Variants in CDH4 observed in about 807,000 individuals in gnomAD.
CDH4 encodes cadherin 4.
Under a neutral mutation model 86.0 loss-of-function variants are expected in CDH4, and 33 were observed. That is an observed-to-expected ratio of 0.38 (90% CI 0.29 to 0.51). The LOEUF (loss-of-function observed/expected upper bound fraction) is 0.51. Among genes scored for constraint, CDH4 ranks in the 20% least tolerant of loss-of-function variants. CDH4 has a pLI of 0.86. For missense variants in CDH4, 1,114 were observed against 1,307.4 expected (o/e 0.85, Z 2.28); for synonymous variants, 555 against 549.4 (o/e 1.01, Z -0.14).
At chr20:61,788,607 T>A (rs976865786) in intron 4 of CDH4, among the ~76,000 whole-genome samples, 2 of 152,182 alleles carry the variant, frequency 1.3e-5, no homozygotes, top group Admixed American at 6.5e-5. Context: ...CCCGGCAGTG[T>A]TTTCCTGCTG....
At chr20:61,420,322 G>C (rs771773604) in intron 2 of CDH4, among the ~76,000 whole-genome samples, 16 of 152,222 alleles carry the variant, frequency 1.1e-4, no homozygotes, top group Non-Finnish European at 1.8e-4. Context: ...CCACTCAGGG[G>C]TGCTCCTTGC....
intron 2 of CDH4, among the ~76,000 whole-genome samples, chr20:61,332,715 G>A (rs2084589618): frequency 6.6e-6 from 1 of 152,336 alleles, no homozygotes; most frequent in Non-Finnish European, 1.5e-5. Flanking sequence ...GAGCATTTTT[G>A]TTTCTTCTCT....
intron 2 of CDH4, among the ~76,000 whole-genome samples, chr20:61,381,103 G>C (rs367631782): frequency 7.9e-5 from 12 of 152,302 alleles, no homozygotes; most frequent in African/African-American, 2.9e-4. Context: ...AAATTTGGGA[G>C]AAGGAAGAGA....
chr20:61,760,226 G>T (rs1373399771), intron 3 of CDH4, among the ~76,000 whole-genome samples: 1 of 152,218 alleles, frequency 6.6e-6, no homozygotes, highest in African/African-American at 2.4e-5. Context: ...TGGTTACGTG[G>T]TTTGTGAGGC....
At chr20:61,428,799 G>A (rs928881005) in intron 2 of CDH4, among the ~76,000 whole-genome samples, 1 of 152,138 alleles carries the variant, frequency 6.6e-6, no homozygotes, top group Non-Finnish European at 1.5e-5. Context: ...CTTTAATATA[G>A]ATTTTAACTA....
intron 4 of CDH4, among the ~76,000 whole-genome samples, chr20:61,789,705 T>C (rs1246554215): frequency 6.6e-6 from 1 of 152,236 alleles, no homozygotes; most frequent in Non-Finnish European, 1.5e-5. Context: ...CAAACCGACA[T>C]GCAGGCCCAG....
intron 2 of CDH4, among the ~76,000 whole-genome samples, chr20:61,321,348 G>T (rs760268561): frequency 6.6e-6 from 1 of 152,204 alleles, no homozygotes; most frequent in East Asian, 1.9e-4. Context: ...TTCCAGAGGC[G>T]GGGTTACTCT....
At chr20:61,504,805 TG>T (rs1346220091) in intron 2 of CDH4, among the ~76,000 whole-genome samples, 1 of 152,228 alleles carries the variant, frequency 6.6e-6, no homozygotes, top group Admixed American at 6.5e-5. Flanking sequence ...GCACTACCCT[TG>T]ATCTCGGCAC....
intron 2 of CDH4, among the ~76,000 whole-genome samples, chr20:61,401,981 G>T (rs141549083): frequency 6.6e-6 from 1 of 152,250 alleles, no homozygotes; most frequent in African/African-American, 2.4e-5. Flanking sequence ...GTTCACAGGT[G>T]TATCACGGAG....
intron 2 of CDH4, among the ~76,000 whole-genome samples, chr20:61,284,870 G>A (rs186222661): frequency 1.5e-3 from 235 of 152,306 alleles, no homozygotes; most frequent in Middle Eastern, 6.8e-3. Context: ...CCTCTGTGAC[G>A]TAGGTGAAAA....
intron 15 of CDH4, 104 bp downstream of exon 15, chr20:61,934,324 G>A (rs1019557466): frequency 1.2e-5 from 16 of 1,292,294 alleles, no homozygotes; most frequent in South Asian, 1.6e-5. Flanking sequence ...GGCGGCTGCC[G>A]TGGGTGGGAG....
chr20:61,776,481 G>C lies in CDH4; in HGVS notation c.576+3299G>C, dbSNP rs553054257. On this transcript the variant is annotated intron_variant, in intron 4 of 15. Transcript: ENST00000614565. ...GGAAGTGGCAGCTTCTCCTGTTCTG[G>C]GGTCTGTGGCTTTGCTATGGTTTGG... is the stretch of plus-strand genomic sequence containing the variant. 3.9e-5 allele frequency among the ~76,000 whole-genome samples: 6 copies of C among 152,288 alleles called. No individual in the cohort carries two copies. In the South Asian group the frequency reaches 1.2e-3, roughly 32 times the overall value.
chr20:61,435,039 T>C (rs1057224065), intron 2 of CDH4, among the ~76,000 whole-genome samples: 2 of 152,226 alleles, frequency 1.3e-5, no homozygotes, highest in Non-Finnish European at 2.9e-5. Context: ...TCCTGCAGCC[T>C]TCATTCCTTC....
intron 2 of CDH4, among the ~76,000 whole-genome samples, chr20:61,706,728 C>T (rs190622728): frequency 1.2e-3 from 190 of 152,302 alleles, no homozygotes; most frequent in Non-Finnish European, 2.1e-3. Flanking sequence ...CTCCCGAGCC[C>T]GCTGCAGGCC....
intron 4 of CDH4, among the ~76,000 whole-genome samples, chr20:61,819,427 G>A (rs577329226): frequency 2.6e-5 from 4 of 151,904 alleles, no homozygotes; most frequent in Admixed American, 1.3e-4. Context: ...CCCCGGGAGC[G>A]TTCCATGCAT....
chr20:61,343,033 G>A (rs117569360), intron 2 of CDH4, among the ~76,000 whole-genome samples: 3,255 of 152,254 alleles, frequency 0.021, 51 homozygotes, highest in Non-Finnish European at 0.034. Context: ...CTTTTCCCCT[G>A]ACCCTCACAG....
intron 2 of CDH4, among the ~76,000 whole-genome samples, chr20:61,482,318 A>G (rs6121625): frequency 0.06 from 9,145 of 152,242 alleles, 971 homozygotes; most frequent in African/African-American, 0.21. Context: ...TTTATTCATA[A>G]GGTAATTCTT....
chr20:61,649,354 C>T (rs531871636), intron 2 of CDH4, among the ~76,000 whole-genome samples: 4 of 152,340 alleles, frequency 2.6e-5, no homozygotes, highest in East Asian at 1.9e-4. Flanking sequence ...TGCCTGGGGC[C>T]GTGTAGGCCA....
intron 2 of CDH4, among the ~76,000 whole-genome samples, chr20:61,293,708 G>A (rs1015820299): frequency 1.3e-5 from 2 of 152,192 alleles, no homozygotes; most frequent in African/African-American, 2.4e-5. Flanking sequence ...CTCTTGGAGG[G>A]AGGTGAGGAC....
Sources: gnomAD v4.1 joint callset for allele counts (sites outside exome capture counted in the v4.1 genomes callset) on GRCh38, gnomAD v4.1.1 for gene constraint, MANE v1.5 for transcripts, NCBI Gene and HGNC (gene_info 2026-07-23, HGNC 2026-07-21) for gene names.